SDK1: variants seen among roughly 807,000 people sequenced by gnomAD.
The protein encoded by SDK1 is sidekick cell adhesion molecule 1.
In SDK1, 157 loss-of-function variants were observed where a neutral mutation model predicts 245.5. That is an observed-to-expected ratio of 0.64 (90% CI 0.56 to 0.73). The LOEUF (loss-of-function observed/expected upper bound fraction) is 0.73, where lower values mean the gene tolerates loss of function less well. SDK1 is among the 30% of genes least tolerant of loss of function. The pLI is 0.00. For missense variants in SDK1, 3,583 were observed against 3,002.3 expected (o/e 1.19, Z -4.52); for synonymous variants, 1,647 against 1,278.5 (o/e 1.29, Z -6.15).
chr7:3,739,732 T>C (rs1779422587), intron 4 of SDK1, among the ~76,000 whole-genome samples: 1 of 149,758 alleles, frequency 6.7e-6, no homozygotes, highest in Non-Finnish European at 1.5e-5. Flanking sequence ...AATTTCAAGG[T>C]TTTTTTCTGT....
At chr7:3,952,688 A>G (rs535881846) in intron 7 of SDK1, among the ~76,000 whole-genome samples, 3 of 152,166 alleles carry the variant, frequency 2.0e-5, no homozygotes, top group South Asian at 2.1e-4. Flanking sequence ...ACCTTTTGTT[A>G]AACTTAAAAA....
intron 35 of SDK1, among the ~76,000 whole-genome samples, chr7:4,182,229 G>C (rs661850): frequency 0.29 from 44,190 of 152,020 alleles, 6,517 homozygotes; most frequent in Middle Eastern, 0.44. Flanking sequence ...CACTGCCCCA[G>C]GACACCCTCT....
chr7:4,079,346 C>CA (rs1780910087), intron 21 of SDK1, 117 bp from the exon 22 acceptor site: 1 of 1,252,326 alleles, frequency 8.0e-7, no homozygotes, highest in Non-Finnish European at 1.1e-6. Context: ...AGAGCAAATC[C>CA]TTTTTTGGTA....
intron 1 of SDK1, among the ~76,000 whole-genome samples, chr7:3,491,787 C>G (rs992753734): frequency 6.6e-6 from 1 of 152,132 alleles, no homozygotes; most frequent in Non-Finnish European, 1.5e-5. Context: ...GTTGGCAAGA[C>G]AAATACTTTT....
chr7:3,755,603 C>G (rs192219315), intron 4 of SDK1, among the ~76,000 whole-genome samples: 1 of 152,142 alleles, frequency 6.6e-6, no homozygotes. Flanking sequence ...ATAACCACCT[C>G]CACAGCCAAA....
chr7:3,989,140 A>G (rs1784098420), intron 14 of SDK1, among the ~76,000 whole-genome samples: 4 of 152,188 alleles, frequency 2.6e-5, no homozygotes, highest in African/African-American at 9.6e-5. Context: ...GCCAATAAAG[A>G]CACACCCAAG....
intron 1 of SDK1, among the ~76,000 whole-genome samples, chr7:3,526,547 G>T (rs1225162289): frequency 1.3e-5 from 2 of 152,106 alleles, no homozygotes; most frequent in Non-Finnish European, 2.9e-5. Context: ...TTTCATTGCA[G>T]ATAGTTTGGT....
chr7:3,946,473 C>G (rs1013492), intron 5 of SDK1, among the ~76,000 whole-genome samples: 43,103 of 151,714 alleles, frequency 0.28, 6,428 homozygotes, highest in Middle Eastern at 0.42. Context: ...TGCCACCACA[C>G]CTGCTAATTT....
intron 1 of SDK1, among the ~76,000 whole-genome samples, chr7:3,373,687 T>TA (rs1019231804): frequency 6.6e-6 from 1 of 152,068 alleles, no homozygotes; most frequent in African/African-American, 2.4e-5. Context: ...AAGTAAATAC[T>TA]AAATGACAAG....
At chr7:3,479,995 C>G (rs1295009680) in intron 1 of SDK1, among the ~76,000 whole-genome samples, 1 of 152,076 alleles carries the variant, frequency 6.6e-6, no homozygotes, top group African/African-American at 2.4e-5. Flanking sequence ...GCCCCCTCAC[C>G]TGTCCACGCC....
At chr7:3,820,574 G>T (rs1274940551) in intron 4 of SDK1, among the ~76,000 whole-genome samples, 1 of 152,250 alleles carries the variant, frequency 6.6e-6, no homozygotes, top group Non-Finnish European at 1.5e-5. Flanking sequence ...ATGAATGGAA[G>T]TTGTGTCTTT....
chr7:4,268,507 G>A lies in SDK1; in HGVS notation c.*3123G>A, dbSNP rs1788608814. 1 of 1,196,882 alleles carries A rather than the reference G, an allele frequency of 8.4e-7. No homozygotes were observed. The highest frequency in any genetic ancestry group is 1.6e-5 in the African/African-American group (1 of 62,964). 74.1% of individuals were successfully genotyped at this position (1,196,882 alleles called of 1,614,324 possible). Reference sequence around the variant, plus strand: ...AAAAAACGAGGGGCCCCAGGGAGAGGGGACCCAGATGGCCACACACGGAAC... The same window carrying A: ...AAAAAACGAGGGGCCCCAGGGAGAGAGGACCCAGATGGCCACACACGGAAC... On this transcript the variant is annotated 3_prime_UTR_variant, in exon 45 of 45. Transcript: ENST00000404826.
chr7:3,779,272 G>C (rs1246757779), intron 4 of SDK1, among the ~76,000 whole-genome samples: 1 of 152,116 alleles, frequency 6.6e-6, no homozygotes, highest in Non-Finnish European at 1.5e-5. Context: ...AATTACGTTA[G>C]GGCTAGAGTA....
chr7:3,928,443 GTAA>G lies in SDK1; in HGVS notation c.848-22478_848-22476del, dbSNP rs1452274331. On this transcript the variant is annotated intron_variant, in intron 5 of 44. Transcript: ENST00000404826. Reference sequence around the variant, plus strand: ...CTACACGTACAAATATTATTTGATGGTAATGATGAAACTTTGTTAATAAAGGAT... The same window carrying G: ...CTACACGTACAAATATTATTTGATGGTGATGAAACTTTGTTAATAAAGGAT... 2.0e-5 allele frequency among the ~76,000 whole-genome samples: 3 copies of G among 152,084 alleles called. No individual in the cohort carries two copies. In the East Asian group the frequency reaches 5.8e-4, roughly 29 times the overall value.
chr7:3,531,035 C>T, intron 1 of SDK1, among the ~76,000 whole-genome samples: 1 of 152,266 alleles, frequency 6.6e-6, no homozygotes, highest in South Asian at 2.1e-4. Flanking sequence ...TATTCTGTCA[C>T]TATAACTCTG....
intron 1 of SDK1, among the ~76,000 whole-genome samples, chr7:3,312,124 A>G (rs1583667655): frequency 2.6e-5 from 4 of 152,192 alleles, no homozygotes; most frequent in Non-Finnish European, 5.9e-5. Flanking sequence ...AGGGACATCT[A>G]AACTCCAAGA....
chr7:3,825,835 G>C (rs1181702125), intron 5 of SDK1, among the ~76,000 whole-genome samples: 1 of 152,192 alleles, frequency 6.6e-6, no homozygotes, highest in Admixed American at 6.5e-5. Flanking sequence ...GAGGGGAACA[G>C]GCAGATGCCT....
intron 30 of SDK1, 59 bp from the exon 31 acceptor site, chr7:4,158,389 G>A (rs373250329): frequency 1.4e-6 from 2 of 1,383,074 alleles, no homozygotes; most frequent in South Asian, 1.2e-5. Context: ...CACCAGGAAT[G>A]CCTGAGGGCA....
chr7:3,504,550 G>A (rs904039551), intron 1 of SDK1, among the ~76,000 whole-genome samples: 1 of 152,054 alleles, frequency 6.6e-6, no homozygotes, highest in African/African-American at 2.4e-5. Context: ...CTATTAAGAC[G>A]GTTAAACTGG....
Sources: gnomAD v4.1 joint callset for allele counts (sites outside exome capture counted in the v4.1 genomes callset) on GRCh38, gnomAD v4.1.1 for gene constraint, MANE v1.5 for transcripts, NCBI Gene and HGNC (gene_info 2026-07-23, HGNC 2026-07-21) for gene names.